The following PRKG1 variants were observed in gnomAD, a reference collection of about 807,000 sequenced individuals.
PRKG1 encodes cGMP-dependent protein kinase 1.
PRKG1 carries 35 observed loss-of-function variants against 88.1 expected under a neutral mutation model. That is an observed-to-expected ratio of 0.40 (90% CI 0.30 to 0.53). The LOEUF (loss-of-function observed/expected upper bound fraction) is 0.53. Ranked by LOEUF, PRKG1 falls within the 20% of genes least tolerant of loss-of-function variation. The pLI, the probability that PRKG1 is intolerant of heterozygous loss-of-function variation, is 0.59. For missense variants in PRKG1, 540 were observed against 839.8 expected, an observed-to-expected ratio of 0.64 and a Z score of 4.41; for synonymous variants, 303 against 292.5, an observed-to-expected ratio of 1.04 and a Z score of -0.37.
intron 3 of PRKG1, among the ~76,000 whole-genome samples, chr10:51,710,613 C>T (rs1374002825): frequency 2.6e-5 from 4 of 152,164 alleles, no homozygotes; most frequent in East Asian, 1.9e-4. Flanking sequence ...AGTTCTTAAA[C>T]GTTAACCTTA....
intron 8 of PRKG1, among the ~76,000 whole-genome samples, chr10:52,143,791 A>T (rs1837650280): frequency 6.6e-6 from 1 of 152,162 alleles, no homozygotes. Flanking sequence ...AGTCAACCCG[A>T]TCCACTTTTA....
chr10:51,187,819 A>G (rs1040254288), intron 2 of PRKG1, among the ~76,000 whole-genome samples: 7 of 151,994 alleles, frequency 4.6e-5, no homozygotes, highest in Non-Finnish European at 8.8e-5. Flanking sequence ...TTATGAAAAG[A>G]TTATTTTTTT....
chr10:52,282,627 G>A (rs913055408), intron 14 of PRKG1, among the ~76,000 whole-genome samples: 2 of 152,002 alleles, frequency 1.3e-5, no homozygotes, highest in African/African-American at 4.8e-5. Context: ...AATGAAACAG[G>A]GGAGATGATA....
Position 51,607,041 on chromosome 10 carries a change from T to C in PRKG1, c.592+139205T>C, listed in dbSNP as rs192493904. On this transcript the variant is annotated intron_variant, in intron 3 of 17. Coordinates refer to ENST00000373980, the MANE Select transcript of PRKG1 (RefSeq NM_006258.4). The stretch of plus-strand genomic sequence containing the variant: ...AACCCTAGTGTGTGTGGTGTTTTCC[T>C]TTGTGTCTGCTGATGAAAAGCCCAG... Among the ~76,000 whole-genome samples the C allele has an allele frequency of 1.5e-3, 235 of 152,266 alleles. 1 individual carries two copies. Among genetic ancestry groups the C allele is most frequent in the African/African-American group, 5.4e-3 (223 of 41,554 alleles).
At chr10:51,735,179 T>C (rs1170637797) in intron 3 of PRKG1, among the ~76,000 whole-genome samples, 2 of 152,208 alleles carry the variant, frequency 1.3e-5, no homozygotes, top group Non-Finnish European at 2.9e-5. Context: ...ACAGATTAGC[T>C]ATCTTTATGT....
chr10:52,272,158 A>G (rs1457236814), intron 11 of PRKG1, among the ~76,000 whole-genome samples: 1 of 152,078 alleles, frequency 6.6e-6, no homozygotes, highest in African/African-American at 2.4e-5. Context: ...CTCTTTGTCC[A>G]TAATCATTAT....
chr10:51,561,801 AGTGTTTAGT>A (rs1837468700), intron 3 of PRKG1, among the ~76,000 whole-genome samples: 2 of 152,138 alleles, frequency 1.3e-5, no homozygotes, highest in Non-Finnish European at 2.9e-5. Context: ...AATGGAATAG[AGTGTTTAGT>A]CATCTTTGCA....
intron 2 of PRKG1, among the ~76,000 whole-genome samples, chr10:51,380,294 C>G (rs1461249073): frequency 1.3e-5 from 2 of 152,116 alleles, no homozygotes; most frequent in Non-Finnish European, 2.9e-5. Flanking sequence ...AGCTGATTAT[C>G]CATAGTGGGA....
intron 1 of PRKG1, among the ~76,000 whole-genome samples, chr10:51,035,182 C>A (rs951057102): frequency 2.6e-5 from 4 of 152,086 alleles, no homozygotes; most frequent in Non-Finnish European, 5.9e-5. Flanking sequence ...CAATCTTAAC[C>A]TTGACTGCTC....
chr10:51,020,907 T>A (rs1163485560), intron 1 of PRKG1, among the ~76,000 whole-genome samples: 1 of 152,238 alleles, frequency 6.6e-6, no homozygotes, highest in African/African-American at 2.4e-5. Context: ...GTTATTAAGA[T>A]GCATTCTAGA....
At chr10:51,488,803 C>A (rs1840619064) in intron 3 of PRKG1, among the ~76,000 whole-genome samples, 1 of 152,138 alleles carries the variant, frequency 6.6e-6, no homozygotes, top group African/African-American at 2.4e-5. Context: ...TCTGCGTCCA[C>A]CTCTTCTCTT....
At chr10:51,689,776 G>C (rs1022656923) in intron 3 of PRKG1, among the ~76,000 whole-genome samples, 1 of 152,170 alleles carries the variant, frequency 6.6e-6, no homozygotes, top group Non-Finnish European at 1.5e-5. Flanking sequence ...AAAGGCCTGG[G>C]GAAAGAGTGG....
intron 5 of PRKG1, among the ~76,000 whole-genome samples, chr10:51,951,250 C>G (rs972422175): frequency 2.6e-5 from 4 of 152,126 alleles, no homozygotes; most frequent in Non-Finnish European, 5.9e-5. Context: ...TCCTGTTGCT[C>G]TCAGTAGCAG....
intron 10 of PRKG1, 107 bp from the exon 11 acceptor site, chr10:52,271,243 G>A: frequency 7.6e-6 from 9 of 1,186,062 alleles, no homozygotes; most frequent in Admixed American, 2.4e-5. Flanking sequence ...GACTTGGGAG[G>A]TGGCTGAGGT....
At chr10:51,753,016 G>A (rs568172800) in intron 3 of PRKG1, among the ~76,000 whole-genome samples, 1 of 152,118 alleles carries the variant, frequency 6.6e-6, no homozygotes, top group East Asian at 1.9e-4. Context: ...AGCTAAATTA[G>A]GGCCATGTGT....
chr10:51,646,374 T>C (rs556044284), intron 3 of PRKG1, among the ~76,000 whole-genome samples: 1 of 152,170 alleles, frequency 6.6e-6, no homozygotes, highest in Admixed American at 6.5e-5. Context: ...TTTCTCCTCC[T>C]CTTCCTCTAA....
intron 3 of PRKG1, among the ~76,000 whole-genome samples, chr10:51,588,855 A>G (rs966319984): frequency 3.3e-5 from 5 of 152,208 alleles, no homozygotes; most frequent in Non-Finnish European, 4.4e-5. Flanking sequence ...AACATCAGTT[A>G]TAGTAATTGC....
chr10:51,847,840 TAAAAAAAAAAAA>T lies in PRKG1; in HGVS notation c.698+43176_698+43187del, dbSNP rs766423513. ...AACATAGAGAGACTCAAGACTCTGT[TAAAAAAAAAAAA>T]AAAAAAAAAAAAAAAAAAAAAAAAA... On this transcript the variant is annotated intron_variant, in intron 4 of 17. Coordinates refer to ENST00000373980, the MANE Select transcript of PRKG1 (RefSeq NM_006258.4). 5.2e-3 allele frequency among the ~76,000 whole-genome samples: 183 copies of T among 35,196 alleles called. 3 individuals are homozygous for T. The highest frequency in any genetic ancestry group is 0.014 in the African/African-American group (135 of 9,688). 23.1% of individuals were successfully genotyped at this position (35,196 alleles called of 152,430 possible).
At chr10:51,245,373 C>G (rs990172984) in intron 2 of PRKG1, 4 of 152,032 alleles carry the variant, frequency 2.6e-5, no homozygotes, top group African/African-American at 9.7e-5. Flanking sequence ...AACTCTGCCC[C>G]CTTTCCCCCA....
Sources: gnomAD v4.1 joint callset for allele counts (sites outside exome capture counted in the v4.1 genomes callset) on GRCh38, gnomAD v4.1.1 for gene constraint, MANE v1.5 for transcripts, NCBI Gene and HGNC (gene_info 2026-07-23, HGNC 2026-07-21) for gene names.